FRS2: variants seen among roughly 807,000 people sequenced by gnomAD.
The protein encoded by FRS2 is FGFR signalling adaptor.
Under a neutral mutation model 43.9 loss-of-function variants are expected in FRS2, and 8 were observed. That is an observed-to-expected ratio of 0.18 (90% CI 0.11 to 0.33). The LOEUF (loss-of-function observed/expected upper bound fraction) is 0.33, where lower values mean the gene tolerates loss of function less well. Ranked by LOEUF, FRS2 falls within the 10% of genes least tolerant of loss-of-function variation. FRS2 has a pLI of 1.00. For synonymous variants in FRS2, 219 were observed against 220.3 expected (o/e 0.99, Z 0.05); for missense variants, 534 against 627.6 (o/e 0.85, Z 1.59).
chr12:69,516,199 T>G (rs959614682), intron 1 of FRS2, among the ~76,000 whole-genome samples: 3 of 150,204 alleles, frequency 2.0e-5, no homozygotes, highest in Non-Finnish European at 4.4e-5. Context: ...GTGAGTAGAT[T>G]ATTATTATTA....
At chr12:69,545,911 C>G (rs1226722326) in intron 3 of FRS2, among the ~76,000 whole-genome samples, 1 of 151,942 alleles carries the variant, frequency 6.6e-6, no homozygotes, top group Non-Finnish European at 1.5e-5. Context: ...TATCTACATA[C>G]AAAATAATGG....
intron 1 of FRS2, among the ~76,000 whole-genome samples, chr12:69,516,418 A>G (rs1382146598): frequency 2.6e-5 from 4 of 151,944 alleles, no homozygotes; most frequent in African/African-American, 9.7e-5. Flanking sequence ...GGGTTTCTCC[A>G]TGTTGGTCAG....
At chr12:69,493,671 A>G (rs1424961777) in intron 1 of FRS2, among the ~76,000 whole-genome samples, 1 of 152,228 alleles carries the variant, frequency 6.6e-6, no homozygotes, top group East Asian at 1.9e-4. Flanking sequence ...TGATAAGCCG[A>G]GATCGCGCCA....
chr12:69,555,356 T>C (rs1879246969), intron 3 of FRS2, among the ~76,000 whole-genome samples: 1 of 152,168 alleles, frequency 6.6e-6, no homozygotes, highest in African/African-American at 2.4e-5. Flanking sequence ...TTTTTTCTTA[T>C]ACTTAATTTT....
At chr12:69,502,224 C>T (rs1366659058) in intron 1 of FRS2, among the ~76,000 whole-genome samples, 3 of 152,076 alleles carry the variant, frequency 2.0e-5, no homozygotes, top group South Asian at 2.1e-4. Context: ...CCTTGGCCTC[C>T]CAAAGTGCTG....
chr12:69,477,516 T>G (rs990118953), intron 1 of FRS2, among the ~76,000 whole-genome samples: 36 of 151,170 alleles, frequency 2.4e-4, no homozygotes, highest in African/African-American at 8.6e-4. Context: ...TCTCCTGACC[T>G]CGTGATCTGC....
intron 1 of FRS2, among the ~76,000 whole-genome samples, chr12:69,499,505 G>A (rs1451659192): frequency 1.3e-5 from 2 of 152,072 alleles, no homozygotes; most frequent in Non-Finnish European, 2.9e-5. Context: ...TTTCAAATCT[G>A]TCCCATATCA....
chr12:69,540,099 A>G (rs571083480), intron 3 of FRS2, among the ~76,000 whole-genome samples: 1 of 151,852 alleles, frequency 6.6e-6, no homozygotes, highest in South Asian at 2.1e-4. Flanking sequence ...TAAAAATACA[A>G]AAAATTAGCT....
chr12:69,545,304 T>C (rs1368090285), intron 3 of FRS2, among the ~76,000 whole-genome samples: 1 of 152,170 alleles, frequency 6.6e-6, no homozygotes, highest in African/African-American at 2.4e-5. Flanking sequence ...ATATGGAATA[T>C]CAAGGGACTC....
intron 3 of FRS2, among the ~76,000 whole-genome samples, chr12:69,542,404 A>G (rs1877995290): frequency 6.6e-6 from 1 of 152,244 alleles, no homozygotes; most frequent in African/African-American, 2.4e-5. Context: ...AAAATATTAC[A>G]AAATACAGCA....
chr12:69,553,026 A>G (rs1323146702), intron 3 of FRS2, among the ~76,000 whole-genome samples: 1 of 152,182 alleles, frequency 6.6e-6, no homozygotes, highest in South Asian at 2.1e-4. Flanking sequence ...TAAAAATAAC[A>G]CAAAACTCAG....
At chr12:69,526,678 A>G (rs1876263380) in intron 1 of FRS2, among the ~76,000 whole-genome samples, 1 of 152,174 alleles carries the variant, frequency 6.6e-6, no homozygotes, top group East Asian at 1.9e-4. Context: ...GTATGTATGT[A>G]GATAGATGAG....
intron 1 of FRS2, among the ~76,000 whole-genome samples, chr12:69,521,862 C>G (rs1723647136): frequency 6.6e-6 from 1 of 152,174 alleles, no homozygotes; most frequent in African/African-American, 2.4e-5. Context: ...GATCCACCTG[C>G]CTCGGCCTCC....
chr12:69,501,960 G>T (rs1439468203), intron 1 of FRS2, among the ~76,000 whole-genome samples: 2 of 127,450 alleles, frequency 1.6e-5, no homozygotes, highest in Non-Finnish European at 3.1e-5. Context: ...TGTTTTTTTT[G>T]TTTTGTTTTT....
At chr12:69,491,451 A>G (rs999278017) in intron 1 of FRS2, 24 of 150,210 alleles carry the variant, frequency 1.6e-4, no homozygotes, top group African/African-American at 5.9e-4. Context: ...TGTACTATAA[A>G]TTCCTTTTTT....
In FRS2 at chr12:69,574,471, A is replaced by G. The variant is rs1661781490; in HGVS notation, c.1043A>G (p.Asn348Ser). The G allele has an allele frequency of 6.2e-7, 1 of 1,613,932 alleles. No individual in the cohort carries two copies. Among genetic ancestry groups the G allele is most frequent in the South Asian group, 1.1e-5 (1 of 91,078 alleles). ...NSAQRRTALL[N>S]YENLPSLPPV... ...GCTCAGAGAAGAACTGCATTATTAA[A>G]CTATGAAAATCTACCATCTTTGCCT... The change falls in exon 9 of 9, where the codon AAC becomes AGC. Residue 348 changes from asparagine to serine, a missense_variant. Transcript: ENST00000549921.
In FRS2 at chr12:69,577,028, C is replaced by T. The variant is rs1200308026; in HGVS notation, c.*2073C>T. 6.6e-6 allele frequency: 1 copy of T among 152,552 alleles called. No individual in the cohort carries two copies. The highest frequency in any genetic ancestry group is 2.4e-5 in the African/African-American group (1 of 41,422). The allele number at this position is 152,552 out of a possible 1,614,324, so 9.4% of individuals were successfully genotyped here. On this transcript the variant is annotated 3_prime_UTR_variant, in exon 9 of 9. Transcript: ENST00000549921. ...CATTGCACATTTTTTTCTGAAACAG[C>T]CAGTCAAGGCAGAACATTAATCTCC...
chr12:69,548,014 G>GT (rs964062631), intron 3 of FRS2, among the ~76,000 whole-genome samples: 8 of 151,272 alleles, frequency 5.3e-5, no homozygotes, highest in Non-Finnish European at 1.2e-4. Flanking sequence ...ATCTGGCTAA[G>GT]TTTTTTTTAT....
chr12:69,561,867 T>C (rs1158719890), intron 3 of FRS2, among the ~76,000 whole-genome samples: 1 of 152,172 alleles, frequency 6.6e-6, no homozygotes, highest in Non-Finnish European at 1.5e-5. Context: ...ATCTAACCCC[T>C]CATTTTACAG....
Sources: gnomAD v4.1 joint callset for allele counts (sites outside exome capture counted in the v4.1 genomes callset) on GRCh38, gnomAD v4.1.1 for gene constraint, MANE v1.5 for transcripts, NCBI Gene and HGNC (gene_info 2026-07-23, HGNC 2026-07-21) for gene names.